The following CHRM3 variants were observed in gnomAD, a reference collection of about 807,000 sequenced individuals.
CHRM3 encodes the protein muscarinic acetylcholine receptor M3.
CHRM3 carries 11 observed loss-of-function variants against 41.8 expected under a neutral mutation model. The observed-to-expected ratio is 0.26, with a 90% CI of 0.17 to 0.44. The LOEUF is 0.44. Among genes scored for constraint, CHRM3 ranks in the 20% least tolerant of loss-of-function variants. The pLI, the probability that CHRM3 is intolerant of heterozygous loss-of-function variation, is 1.00. For missense variants in CHRM3, 571 were observed against 745.4 expected (o/e 0.77, Z 2.72); for synonymous variants, 297 against 301.4 (o/e 0.99, Z 0.15).
intron 1 of CHRM3, among the ~76,000 whole-genome samples, chr1:239,477,708 C>T (rs533230990): frequency 2.0e-5 from 3 of 152,152 alleles, no homozygotes; most frequent in South Asian, 2.1e-4. Flanking sequence ...AGTATGAGGC[C>T]GAGGGCATGG....
chr1:239,661,594 A>T (rs1251721268), intron 4 of CHRM3, among the ~76,000 whole-genome samples: 1 of 152,208 alleles, frequency 6.6e-6, no homozygotes, highest in Non-Finnish European at 1.5e-5. Context: ...TGACAATATG[A>T]TATTCTGGAA....
chr1:239,794,974 A>G (rs1669651080), intron 5 of CHRM3, among the ~76,000 whole-genome samples: 2 of 151,818 alleles, frequency 1.3e-5, no homozygotes, highest in Non-Finnish European at 2.9e-5. Context: ...TACTTACACC[A>G]TGATCCACAC....
chr1:239,649,765 G>A (rs1672073273), intron 4 of CHRM3, among the ~76,000 whole-genome samples: 2 of 152,174 alleles, frequency 1.3e-5, no homozygotes, highest in African/African-American at 4.8e-5. Context: ...TTTTCCCTGG[G>A]TAGGTGCAGG....
chr1:239,565,913 T>TC (rs1174623209), intron 3 of CHRM3, among the ~76,000 whole-genome samples: 1 of 146,044 alleles, frequency 6.8e-6, no homozygotes, highest in African/African-American at 2.5e-5. Flanking sequence ...CTTTTTTCTT[T>TC]TTTTTTTTTT....
Position 239,908,002 on chromosome 1 carries a change from G to T in CHRM3, c.551G>T (p.Arg184Ile). The T allele has an allele frequency of 1.2e-6, 2 of 1,614,162 alleles. No homozygotes were observed. Among genetic ancestry groups the T allele is most frequent in the Non-Finnish European group, 8.5e-7 (1 of 1,180,026 alleles). Residue 184 changes from arginine (R) to isoleucine (I), a missense_variant, in exon 7 of 7, where the codon AGA becomes ATA. Transcript: ENST00000676153. This position sits in a 1 kb window ranked among gnomAD's most constrained non-coding sequence, Gnocchi z 7.2. The stretch of plus-strand genomic sequence containing the variant: ...TACCGAGCCAAACGAACAACAAAGA[G>T]AGCCGGTGTGATGATCGGTCTGGCT... The part of the protein sequence containing the change: ...LTYRAKRTTK[R>I]AGVMIGLAWV...
At chr1:239,648,248 A>G (rs1476857491) in intron 4 of CHRM3, among the ~76,000 whole-genome samples, 2 of 152,146 alleles carry the variant, frequency 1.3e-5, no homozygotes, top group Admixed American at 1.3e-4. Flanking sequence ...CTGATGCTTC[A>G]GAGTGTGTGT....
At chr1:239,595,097 AAAAC>A (rs573054986) in intron 3 of CHRM3, among the ~76,000 whole-genome samples, 3 of 152,234 alleles carry the variant, frequency 2.0e-5, no homozygotes, top group South Asian at 2.1e-4. Context: ...CTCAAAAAGA[AAAAC>A]AAACAAACAA....
At chr1:239,792,334 A>T (rs1419450295) in intron 5 of CHRM3, among the ~76,000 whole-genome samples, 1 of 152,138 alleles carries the variant, frequency 6.6e-6, no homozygotes, top group Non-Finnish European at 1.5e-5. Context: ...AATCTCTGTG[A>T]TCTCTCAGAC....
intron 1 of CHRM3, among the ~76,000 whole-genome samples, chr1:239,466,143 GC>G (rs1665713356): frequency 6.6e-6 from 1 of 151,952 alleles, no homozygotes; most frequent in Admixed American, 6.6e-5. Flanking sequence ...ACAGGCGCCC[GC>G]CACCACGCCT....
intron 3 of CHRM3, among the ~76,000 whole-genome samples, chr1:239,595,354 G>C (rs1664665414): frequency 1.3e-5 from 2 of 152,260 alleles, no homozygotes; most frequent in Middle Eastern, 3.4e-3. Flanking sequence ...ATCTCCTGCA[G>C]ATACCAAGGG....
intron 2 of CHRM3, among the ~76,000 whole-genome samples, chr1:239,544,942 G>A (rs1191927179): frequency 1.3e-5 from 2 of 152,222 alleles, no homozygotes; most frequent in Non-Finnish European, 1.5e-5. Context: ...AGAGGGCAGA[G>A]TCTTGGGCCA....
intron 5 of CHRM3, among the ~76,000 whole-genome samples, chr1:239,746,436 C>G (rs1251469467): frequency 6.6e-6 from 1 of 152,096 alleles, no homozygotes; most frequent in Admixed American, 6.5e-5. Context: ...AAATATTCTC[C>G]AAAGTGATTG....
intron 1 of CHRM3, among the ~76,000 whole-genome samples, chr1:239,418,417 C>G (rs1221535674): frequency 2.0e-5 from 3 of 152,030 alleles, no homozygotes; most frequent in Non-Finnish European, 4.4e-5. Context: ...ATCTAGAAAA[C>G]AGTCATTTTT....
intron 5 of CHRM3, among the ~76,000 whole-genome samples, chr1:239,776,788 G>T (rs538365179): frequency 6.6e-6 from 1 of 152,156 alleles, no homozygotes; most frequent in Non-Finnish European, 1.5e-5. Flanking sequence ...GAAACTTACA[G>T]TCATGGCGGA....
intron 4 of CHRM3, among the ~76,000 whole-genome samples, chr1:239,659,962 T>C (rs916494907): frequency 2.0e-5 from 3 of 152,176 alleles, no homozygotes; most frequent in African/African-American, 7.2e-5. Flanking sequence ...AACTGTCTTA[T>C]TCTTCTTTAC....
chr1:239,525,724 T>A (rs1156785185), intron 2 of CHRM3, among the ~76,000 whole-genome samples: 1 of 152,250 alleles, frequency 6.6e-6, no homozygotes, highest in Non-Finnish European at 1.5e-5. Context: ...TTTGCAACTC[T>A]CCAACTGCTT....
At chr1:239,688,353 T>C (rs141164509) in intron 5 of CHRM3, among the ~76,000 whole-genome samples, 82 of 146,054 alleles carry the variant, frequency 5.6e-4, no homozygotes, top group African/African-American at 1.9e-3. Flanking sequence ...TGTGCATATA[T>C]ATTCCCGTTA....
At chr1:239,696,429 T>C (rs1476735405) in intron 5 of CHRM3, among the ~76,000 whole-genome samples, 1 of 152,134 alleles carries the variant, frequency 6.6e-6, no homozygotes, top group Admixed American at 6.5e-5. Flanking sequence ...CTCCTAGGGT[T>C]CATCACTCAC....
At chr1:239,391,964 G>GC (rs555259027) in intron 1 of CHRM3, among the ~76,000 whole-genome samples, 129 of 152,072 alleles carry the variant, frequency 8.5e-4, no homozygotes, top group African/African-American at 3.0e-3. Context: ...CAATTCTCAT[G>GC]CCCCCCTCAC....
Sources: gnomAD v4.1 joint callset for allele counts (sites outside exome capture counted in the v4.1 genomes callset) on GRCh38, gnomAD v4.1.1 for gene constraint, Gnocchi (gnomAD v3.1) non-coding constraint, MANE v1.5 for transcripts, NCBI Gene and HGNC (gene_info 2026-07-23, HGNC 2026-07-21) for gene names.